The following TENM2 variants were observed in gnomAD, a reference collection of about 807,000 sequenced individuals.
The protein encoded by TENM2 is teneurin-2.
A neutral mutation model predicts 245.2 loss-of-function variants in TENM2; 52 were observed. That is an observed-to-expected ratio of 0.21 (90% CI 0.17 to 0.27). The LOEUF (loss-of-function observed/expected upper bound fraction) is 0.27. Ranked by LOEUF, TENM2 falls within the 10% of genes least tolerant of loss-of-function variation. The pLI is 1.00. For synonymous variants in TENM2, 1,363 were observed against 1,438.9 expected, an observed-to-expected ratio of 0.95 and a Z score of 1.19; for missense variants, 3,046 against 3,666.8, an observed-to-expected ratio of 0.83 and a Z score of 4.37.
rs572571269 is a variant in TENM2, at chr5:168,073,142, T to C, written c.1515+10877T>C. 3.9e-5 allele frequency among the ~76,000 whole-genome samples: 6 copies of C among 152,326 alleles called. No individual in the cohort carries two copies. The South Asian group carries it at 1.2e-3, about 32-fold the overall frequency. On this transcript the variant is annotated intron_variant, in intron 7 of 28. Coordinates refer to ENST00000518659, the Ensembl canonical transcript of TENM2. ...AATAACATTTACCCTGCTAGCACTA[T>C]GCTCTTGTATGTTTCCTGGAGCCAC...
intron 3 of TENM2, among the ~76,000 whole-genome samples, chr5:167,900,721 A>G (rs899484515): frequency 9.9e-5 from 15 of 151,986 alleles, no homozygotes; most frequent in Admixed American, 1.3e-4. Flanking sequence ...CCACCTAGTT[A>G]TGACCGTGGC....
chr5:167,706,663 A>G (rs1758546183), intron 2 of TENM2, among the ~76,000 whole-genome samples: 1 of 151,976 alleles, frequency 6.6e-6, no homozygotes, highest in Non-Finnish European at 1.5e-5. Flanking sequence ...TTTTTTGAGG[A>G]GTATCTATAC....
the TENM2 span, among the ~76,000 whole-genome samples, chr5:167,237,901 C>T: frequency 6.6e-6 from 1 of 150,736 alleles, no homozygotes; most frequent in Non-Finnish European, 1.5e-5. Flanking sequence ...ATCCCAGCTA[C>T]TCAGGAGGCT....
intron 1 of TENM2, among the ~76,000 whole-genome samples, chr5:167,302,074 C>A (rs910969622): frequency 2.6e-5 from 4 of 151,920 alleles, no homozygotes; most frequent in African/African-American, 4.8e-5. Context: ...AGATTTGGGA[C>A]AAGTTGCATT....
At chr5:167,990,871 A>G (rs1172163229) in intron 4 of TENM2, among the ~76,000 whole-genome samples, 1 of 152,236 alleles carries the variant, frequency 6.6e-6, no homozygotes, top group African/African-American at 2.4e-5. Context: ...CAAGATACAA[A>G]TATTTGTAAT....
chr5:166,996,222 A>G, the TENM2 span, among the ~76,000 whole-genome samples: 1 of 152,094 alleles, frequency 6.6e-6, no homozygotes, highest in African/African-American at 2.4e-5. Context: ...GGGCGCTTGT[A>G]GTCCCGGCTA....
intron 1 of TENM2, 63 bp from the exon 4 acceptor site, chr5:167,375,135 A>T (rs1003723995): frequency 8.6e-6 from 13 of 1,506,780 alleles, no homozygotes; most frequent in Non-Finnish European, 1.2e-5. Context: ...TTGTAAGGAT[A>T]AATTTTAACT....
At chr5:167,006,226 A>C in the TENM2 span, among the ~76,000 whole-genome samples, 4 of 152,194 alleles carry the variant, frequency 2.6e-5, no homozygotes, top group African/African-American at 7.2e-5. Context: ...CTAAAATATC[A>C]GAATAAACAG....
chr5:168,202,319 G>A (rs941870033), intron 17 of TENM2, among the ~76,000 whole-genome samples: 1 of 151,918 alleles, frequency 6.6e-6, no homozygotes, highest in African/African-American at 2.4e-5. Flanking sequence ...TTGTCCAGGG[G>A]TGGCAAATTA....
rs1362681099 is a variant in TENM2 at position 168,016,971 on chromosome 5, C to T, written c.1186+23789C>T. Among the ~76,000 whole-genome samples the T allele has an allele frequency of 2.0e-5, 3 of 152,170 alleles. No individual in the cohort carries two copies. The South Asian group carries it at 6.2e-4, about 32-fold the overall frequency. On this transcript the variant is annotated intron_variant, in intron 5 of 28. Coordinates refer to ENST00000518659, the Ensembl canonical transcript of TENM2. ...GATTAGAGTTGACCTCATAGGATCA[C>T]CACACTGAGCCACCCAGGATGGGAC... is the stretch of plus-strand genomic sequence containing the variant.
At chr5:168,156,374 C>G (rs1757187603) in intron 12 of TENM2, among the ~76,000 whole-genome samples, 1 of 149,902 alleles carries the variant, frequency 6.7e-6, no homozygotes. Context: ...TGTCATCTGT[C>G]TGCATTTCCA....
chr5:167,180,649 T>C, the TENM2 span, among the ~76,000 whole-genome samples: 1 of 152,254 alleles, frequency 6.6e-6, no homozygotes, highest in African/African-American at 2.4e-5. Context: ...GTAACATCAG[T>C]AGTCAATTAA....
intron 2 of TENM2, among the ~76,000 whole-genome samples, chr5:167,522,141 C>A (rs1181339410): frequency 1.3e-5 from 2 of 152,082 alleles, no homozygotes; most frequent in Non-Finnish European, 2.9e-5. Flanking sequence ...TTAATGTATT[C>A]AACACTACTT....
intron 1 of TENM2, among the ~76,000 whole-genome samples, chr5:167,295,866 C>T (rs575733604): frequency 1.3e-5 from 2 of 152,164 alleles, no homozygotes; most frequent in East Asian, 3.9e-4. Flanking sequence ...TTCCACTCAA[C>T]CTCAAGTCAG....
chr5:168,043,090 C>G (rs1788335173), intron 5 of TENM2, among the ~76,000 whole-genome samples: 1 of 152,130 alleles, frequency 6.6e-6, no homozygotes, highest in Admixed American at 6.5e-5. Context: ...TGGACCAGGC[C>G]TTTTGGGATG....
At chr5:167,635,174 A>C (rs1044542832) in intron 2 of TENM2, among the ~76,000 whole-genome samples, 3 of 152,226 alleles carry the variant, frequency 2.0e-5, no homozygotes, top group African/African-American at 7.2e-5. Flanking sequence ...TATATAATCT[A>C]TATACAGAGA....
the TENM2 span, among the ~76,000 whole-genome samples, chr5:167,094,310 C>T: frequency 6.6e-6 from 1 of 152,038 alleles, no homozygotes; most frequent in African/African-American, 2.4e-5. Flanking sequence ...ACTGCCTGTG[C>T]CCCCCACTGT....
chr5:167,461,994 C>T (rs1024878568), intron 2 of TENM2, among the ~76,000 whole-genome samples: 4 of 152,150 alleles, frequency 2.6e-5, no homozygotes, highest in East Asian at 1.9e-4. Flanking sequence ...GGGAATAAAT[C>T]GCATCACTCA....
intron 5 of TENM2, among the ~76,000 whole-genome samples, chr5:168,011,940 A>T (rs1785249134): frequency 6.6e-6 from 1 of 152,234 alleles, no homozygotes; most frequent in Non-Finnish European, 1.5e-5. Flanking sequence ...AATTAGAGAA[A>T]GAGGTTCAGA....
Sources: gnomAD v4.1 joint callset for allele counts (sites outside exome capture counted in the v4.1 genomes callset) on GRCh38, gnomAD v4.1.1 for gene constraint, MANE v1.5 for transcripts, NCBI Gene and HGNC (gene_info 2026-07-23, HGNC 2026-07-21) for gene names.